Variants in KSR2 observed in about 807,000 individuals in gnomAD.
KSR2 encodes kinase suppressor of ras 2.
Under a neutral mutation model 107.8 loss-of-function variants are expected in KSR2, and 25 were observed. That is an observed-to-expected ratio of 0.23 (90% confidence interval 0.17 to 0.32). The LOEUF (loss-of-function observed/expected upper bound fraction) is 0.32, where lower values mean the gene tolerates loss of function less well. Ranked by LOEUF, KSR2 falls within the 10% of genes least tolerant of loss-of-function variation. The pLI is 1.00. For missense variants in KSR2, 887 were observed against 1,268.9 expected, an observed-to-expected ratio of 0.70 and a Z score of 4.57; for synonymous variants, 480 against 507.0, an observed-to-expected ratio of 0.95 and a Z score of 0.71.
chr12:117,951,650 A>G (rs529042015), intron 1 of KSR2, among the ~76,000 whole-genome samples: 25 of 152,314 alleles, frequency 1.6e-4, no homozygotes, highest in Non-Finnish European at 3.5e-4. Context: ...TGCTGGCTGC[A>G]AAGTCTGGAT....
chr12:117,835,420 A>G (rs149646491), intron 3 of KSR2, among the ~76,000 whole-genome samples: 61 of 152,346 alleles, frequency 4.0e-4, no homozygotes, highest in Non-Finnish European at 5.9e-4. Flanking sequence ...TCTGGGCATG[A>G]TAAGCCAAAC....
intron 3 of KSR2, among the ~76,000 whole-genome samples, chr12:117,817,171 G>T (rs1224209229): frequency 6.6e-6 from 1 of 152,088 alleles, no homozygotes; most frequent in Non-Finnish European, 1.5e-5. Flanking sequence ...GTTTCAATAA[G>T]CCATTTAAGG....
At chr12:117,701,017 A>G (rs1008155053) in intron 4 of KSR2, among the ~76,000 whole-genome samples, 2 of 152,230 alleles carry the variant, frequency 1.3e-5, no homozygotes, top group Non-Finnish European at 2.9e-5. Context: ...CAAACCAACT[A>G]ACCTTTTAGC....
Position 117,511,230 on chromosome 12 carries a change from CAGGCA to C in KSR2, c.2219+13617_2219+13621del, listed in dbSNP as rs903628729. 3.4e-4 allele frequency among the ~76,000 whole-genome samples: 52 copies of C among 152,358 alleles called. 1 individual carries two copies. Among genetic ancestry groups the C allele is most frequent in the African/African-American group, 1.2e-3 (51 of 41,582 alleles). ...TCTGTTTCCTGATGATCCACAAGGC[CAGGCA>C]CTGGCGGACACACAGGTGCTCAACT... On this transcript the variant is annotated intron_variant, in intron 14 of 19. Transcript: ENST00000339824.
rs1167487753 is a variant in KSR2 at position 117,465,840 on chromosome 12, AAAACATGGGC to A, written c.*1349_*1358del. 7.3e-6 allele frequency: 1 copy of A among 137,714 alleles called. No homozygotes were observed. Among genetic ancestry groups the A allele is most frequent in the East Asian group, 2.3e-4 (1 of 4,370 alleles). The allele number at this position is 137,714 out of a possible 1,614,324, so 8.5% of individuals were successfully genotyped here. A position where few individuals can be genotyped will look rare whatever the true frequency, so the allele number is the denominator to read the frequency against. ...TCACATGCAGGGGGTCAGGGCTTTGAAAACATGGGCAAATGACCCAGAGGTTCTCCTCTCC... is the reference window on the plus strand; with the variant it reads ...TCACATGCAGGGGGTCAGGGCTTTGAAAATGACCCAGAGGTTCTCCTCTCC... On this transcript the variant is annotated 3_prime_UTR_variant, in exon 20 of 20. Transcript: ENST00000339824.
chr12:117,723,883 T>C (rs1402368451), intron 4 of KSR2, among the ~76,000 whole-genome samples: 1 of 152,220 alleles, frequency 6.6e-6, no homozygotes, highest in African/African-American at 2.4e-5. Flanking sequence ...ATCAAAGTAC[T>C]AGTATAGATA....
At chr12:117,885,855 G>A (rs1418414960) in intron 1 of KSR2, among the ~76,000 whole-genome samples, 2 of 151,984 alleles carry the variant, frequency 1.3e-5, no homozygotes, top group Non-Finnish European at 2.9e-5. Context: ...CAGCACTTTG[G>A]GAGGCCAAGG....
At chr12:117,799,842 G>T (rs1051814784) in intron 3 of KSR2, among the ~76,000 whole-genome samples, 1 of 152,136 alleles carries the variant, frequency 6.6e-6, no homozygotes, top group Non-Finnish European at 1.5e-5. Flanking sequence ...TGAGACTCTG[G>T]GGCACCTAAA....
In KSR2 at chr12:117,530,999, G is replaced by A. The variant is rs1875594014; in HGVS notation, c.1744C>T (p.Pro582Ser). The A allele has an allele frequency of 1.9e-6, 3 of 1,613,310 alleles. No homozygotes were observed. The African/African-American group carries it at 4.0e-5, about 22-fold the overall frequency. The change falls in exon 12 of 20, where the codon CCG becomes TCG. Residue 582 changes from proline to serine, a missense_variant. Around this residue, in one of 8 missense-constraint regions of KSR2, gnomAD observed 308 missense variants for 506.2 expected, o/e 0.61. Transcript: ENST00000339824. Reference protein sequence around the residue: ...QFIFPDVVPVPETPTRAPQVI... With the variant: ...QFIFPDVVPVSETPTRAPQVI... ...TGGGGCGCCCGGGTCGGCGTCTCCG[G>A]CACCGGCACCACATCTGAAAACCAG...
intron 3 of KSR2, among the ~76,000 whole-genome samples, chr12:117,768,694 A>G (rs2136902468): frequency 6.6e-6 from 1 of 152,310 alleles, no homozygotes; most frequent in Non-Finnish European, 1.5e-5. Flanking sequence ...GTGGAGATAG[A>G]GAGAGGTGGA....
chr12:117,792,947 C>T (rs1221890444), intron 3 of KSR2, among the ~76,000 whole-genome samples: 1 of 141,608 alleles, frequency 7.1e-6, no homozygotes, highest in African/African-American at 2.6e-5. Flanking sequence ...CACACACGCT[C>T]ACACCAACGT....
rs1401688806 is a variant in KSR2 at position 117,469,617 on chromosome 12, C to A, written c.2846+45G>T. On this transcript the variant is annotated intron_variant, in intron 19 of 19. Coordinates refer to ENST00000339824, the MANE Select transcript of KSR2 (RefSeq NM_173598.6). ...AGGGGATCAAAAAGGTGACAAAGGGCAGAGGACAAGGCAGTGGGGAGAGAC... is the reference window on the plus strand; with the variant it reads ...AGGGGATCAAAAAGGTGACAAAGGGAAGAGGACAAGGCAGTGGGGAGAGAC... The A allele has an allele frequency of 5.6e-6, 9 of 1,598,032 alleles. No homozygotes were observed. In the South Asian group the frequency reaches 7.9e-5, roughly 14 times the overall value.
chr12:117,848,818 G>A (rs1364499973), intron 3 of KSR2, among the ~76,000 whole-genome samples: 1 of 143,132 alleles, frequency 7.0e-6, no homozygotes, highest in East Asian at 2.1e-4. Flanking sequence ...TGATGGTGGT[G>A]GGTGGTGATG....
chr12:117,509,787 T>C (rs1012012038), intron 14 of KSR2, among the ~76,000 whole-genome samples: 19 of 152,340 alleles, frequency 1.2e-4, no homozygotes, highest in African/African-American at 4.1e-4. Flanking sequence ...CCTTTGAAGA[T>C]ACCTGATCTG....
intron 1 of KSR2, among the ~76,000 whole-genome samples, chr12:117,948,473 G>A (rs1409118948): frequency 6.8e-6 from 1 of 147,994 alleles, no homozygotes; most frequent in Non-Finnish European, 1.5e-5. Context: ...CAGGGTGACA[G>A]AGCAAGACTC....
intron 5 of KSR2, among the ~76,000 whole-genome samples, chr12:117,645,661 A>G (rs79457956): frequency 0.034 from 4,697 of 139,522 alleles, 243 homozygotes; most frequent in African/African-American, 0.13. Flanking sequence ...CAAAATCTCT[A>G]ACTGTTTGGA....
At chr12:117,913,528 G>T (rs539887650) in intron 1 of KSR2, among the ~76,000 whole-genome samples, 5 of 152,168 alleles carry the variant, frequency 3.3e-5, no homozygotes, top group Non-Finnish European at 7.3e-5. Flanking sequence ...ATACTCAAAA[G>T]GGTGGGCCCT....
chr12:117,832,471 C>T (rs144418775), intron 3 of KSR2, among the ~76,000 whole-genome samples: 93 of 152,312 alleles, frequency 6.1e-4, no homozygotes, highest in African/African-American at 2.2e-3. Context: ...TTGTTGAGCA[C>T]AGAGAATGCA....
At chr12:117,485,104 C>G (rs1035776903) in intron 15 of KSR2, among the ~76,000 whole-genome samples, 2 of 152,160 alleles carry the variant, frequency 1.3e-5, no homozygotes, top group East Asian at 3.9e-4. Flanking sequence ...GCAGCTCAGT[C>G]CTAACACCTC....
Sources: allele counts gnomAD v4.1 joint callset (sites outside exome capture counted in the v4.1 genomes callset), GRCh38; gene constraint gnomAD v4.1.1; regional missense constraint gnomAD v4.1.1; transcripts MANE v1.5; gene names NCBI Gene and HGNC (gene_info 2026-07-23, HGNC 2026-07-21).